TAF4B: variants seen among roughly 807,000 people sequenced by gnomAD.
TAF4B encodes TATA-box binding protein associated factor 4b, also known as transcription initiation factor TFIID subunit 4B.
A neutral mutation model predicts 86.4 loss-of-function variants in TAF4B; 38 were observed. The observed-to-expected ratio is 0.44, with a 90% confidence interval of 0.34 to 0.58. TAF4B has a LOEUF of 0.58. TAF4B is among the 20% of genes least tolerant of loss of function. The pLI is 0.02. For synonymous variants in TAF4B, 388 were observed against 391.2 expected (o/e 0.99, Z 0.10); for missense variants, 988 against 1,027.6 (o/e 0.96, Z 0.53).
At chr18:26,316,069 T>TG (rs1007236628) in intron 10 of TAF4B, among the ~76,000 whole-genome samples, 4 of 151,454 alleles carry the variant, frequency 2.6e-5, no homozygotes, top group African/African-American at 9.7e-5. Context: ...CCAGGTGTGG[T>TG]GGGGGTGCGC....
At chr18:26,228,799 T>C (rs2055618251) in intron 1 of TAF4B, among the ~76,000 whole-genome samples, 1 of 151,384 alleles carries the variant, frequency 6.6e-6, no homozygotes, top group South Asian at 2.1e-4. Flanking sequence ...AAGAAAGAAC[T>C]GTCAAGAGTG....
At chr18:26,244,353 G>C (rs1034513648) in intron 1 of TAF4B, among the ~76,000 whole-genome samples, 1 of 152,260 alleles carries the variant, frequency 6.6e-6, no homozygotes, top group Non-Finnish European at 1.5e-5. Context: ...GCGAGGTTCT[G>C]TGGGCGTGGG....
intron 1 of TAF4B, among the ~76,000 whole-genome samples, chr18:26,259,980 C>G (rs2056141282): frequency 6.6e-6 from 1 of 152,180 alleles, no homozygotes; most frequent in Admixed American, 6.6e-5. Flanking sequence ...GCCATTCTAA[C>G]TGGTGTGAGA....
intron 1 of TAF4B, among the ~76,000 whole-genome samples, chr18:26,245,251 C>A (rs1012387303): frequency 6.6e-6 from 1 of 152,088 alleles, no homozygotes; most frequent in Non-Finnish European, 1.5e-5. Flanking sequence ...CTGAACAAGC[C>A]CCCAAGATGT....
rs531493603 is a variant in TAF4B, at chr18:26,348,106, G to A, written c.2317-9584G>A. 5.9e-5 allele frequency among the ~76,000 whole-genome samples: 9 copies of A among 152,292 alleles called. No homozygotes were observed. The South Asian group carries it at 1.9e-3, about 32-fold the overall frequency. ...TTATGGAACATTTCACCCAACAGCT[G>A]CAGAATACATATTCTTTCCAGAAGT... is the stretch of plus-strand genomic sequence containing the variant. On this transcript the variant is annotated intron_variant, in intron 13 of 14. Transcript: ENST00000269142.
Position 26,296,772 on chromosome 18 carries a change from A to G in TAF4B, c.1832+3241A>G, listed in dbSNP as rs370546253. 7.2e-5 allele frequency among the ~76,000 whole-genome samples: 11 copies of G among 152,260 alleles called. No individual in the cohort carries two copies. In the East Asian group the frequency reaches 9.6e-4, roughly 13 times the overall value. On this transcript the variant is annotated intron_variant, in intron 9 of 14. Transcript: ENST00000269142. Reference sequence around the variant, plus strand: ...CTGCACAACCATTGATCTGCTTTCTATCATTGTAGATTGGGTTTGGATTTG... The same window carrying G: ...CTGCACAACCATTGATCTGCTTTCTGTCATTGTAGATTGGGTTTGGATTTG...
chr18:26,257,646 T>C (rs979564436), intron 1 of TAF4B, among the ~76,000 whole-genome samples: 4 of 152,212 alleles, frequency 2.6e-5, no homozygotes, highest in African/African-American at 9.6e-5. Context: ...TCTTTTGTAT[T>C]AAGCAAATAT....
intron 13 of TAF4B, 126 bp downstream of exon 13, chr18:26,335,357 G>T (rs2057082545): frequency 1.3e-6 from 1 of 776,746 alleles, no homozygotes; most frequent in Non-Finnish European, 2.2e-6. Flanking sequence ...GGGAAGGACA[G>T]GAACTGCTAA....
chr18:26,300,953 TCATAGACTAGGGAGTG>T (rs1177897088), intron 9 of TAF4B, among the ~76,000 whole-genome samples: 2 of 152,112 alleles, frequency 1.3e-5, no homozygotes, highest in African/African-American at 2.4e-5. Context: ...AAGCCACTAG[TCATAGACTAGGGAGTG>T]CATAGACTAG....
At position 26,276,578 on chromosome 18, in the gene TAF4B, T is replaced by C. The variant is rs771699108; in HGVS notation, c.882+1525T>C. Among the ~76,000 whole-genome samples, 7 of 152,362 alleles carry C rather than the reference T, an allele frequency of 4.6e-5. No homozygotes were observed. In the South Asian group the frequency reaches 1.4e-3, roughly 32 times the overall value. On this transcript the variant is annotated intron_variant, in intron 5 of 14. Coordinates refer to ENST00000269142, the MANE Select transcript of TAF4B (RefSeq NM_005640.3). ...TTAAAATACCTTCTTTACTACTGTT[T>C]TTAATGCTGCCTGTAAGATGTTAGA... is the stretch of plus-strand genomic sequence containing the variant.
At chr18:26,264,187 C>T (rs1423078299) in intron 1 of TAF4B, among the ~76,000 whole-genome samples, 1 of 152,024 alleles carries the variant, frequency 6.6e-6, no homozygotes, top group African/African-American at 2.4e-5. Flanking sequence ...ACCTGTAATC[C>T]CAGCACTTTG....
chr18:26,271,418 C>T (rs1015730877), intron 3 of TAF4B, among the ~76,000 whole-genome samples: 1 of 152,168 alleles, frequency 6.6e-6, no homozygotes, highest in African/African-American at 2.4e-5. Context: ...GAAAATGACC[C>T]TCCTTGAAAT....
intron 1 of TAF4B, among the ~76,000 whole-genome samples, chr18:26,259,156 G>A (rs987935091): frequency 2.0e-5 from 3 of 150,158 alleles, no homozygotes; most frequent in African/African-American, 7.4e-5. Context: ...GAAGCTTTCA[G>A]CTGTTATTTC....
intron 1 of TAF4B, among the ~76,000 whole-genome samples, chr18:26,242,951 C>A (rs2055863251): frequency 6.6e-6 from 1 of 152,216 alleles, no homozygotes; most frequent in Non-Finnish European, 1.5e-5. Flanking sequence ...GCCAAGATAT[C>A]TGCTGTTAGT....
At chr18:26,364,978 A>G (rs2057361364) in intron 14 of TAF4B, among the ~76,000 whole-genome samples, 1 of 151,294 alleles carries the variant, frequency 6.6e-6, no homozygotes, top group African/African-American at 2.4e-5. Context: ...GAAGCAGGTT[A>G]AAGTGCTACT....
intron 13 of TAF4B, among the ~76,000 whole-genome samples, chr18:26,353,110 A>T (rs1248801376): frequency 6.6e-6 from 1 of 152,174 alleles, no homozygotes; most frequent in Non-Finnish European, 1.5e-5. Context: ...ACCCACAAAG[A>T]TGTTACAAAA....
At chr18:26,236,531 A>G (rs1351323401) in intron 1 of TAF4B, among the ~76,000 whole-genome samples, 1 of 152,182 alleles carries the variant, frequency 6.6e-6, no homozygotes, top group Non-Finnish European at 1.5e-5. Context: ...TTTCTAGGGC[A>G]GGGTGCCTTC....
chr18:26,293,828 A>G (rs1039165574), intron 9 of TAF4B, among the ~76,000 whole-genome samples: 7 of 152,120 alleles, frequency 4.6e-5, no homozygotes, highest in Non-Finnish European at 7.4e-5. Flanking sequence ...TCTGGCAGCT[A>G]CTGTTCTTAC....
Position 26,292,389 on chromosome 18 carries a change from C to T in TAF4B, c.1726+8C>T. On this transcript the variant is annotated splice_region_variant and intron_variant, in intron 8 of 14. Transcript: ENST00000269142. ...CTAGTCAGTTTCCTCCAGGTAGATG[C>T]TGGTCCATCTCAGTCCCATCATGCT... is the stretch of plus-strand genomic sequence containing the variant. 1 of 1,609,132 alleles carries T rather than the reference C, an allele frequency of 6.2e-7. No homozygotes were observed. The highest frequency in any genetic ancestry group is 8.5e-7 in the Non-Finnish European group (1 of 1,178,210).
Sources: gnomAD v4.1 joint callset for allele counts (sites outside exome capture counted in the v4.1 genomes callset) on GRCh38, gnomAD v4.1.1 for gene constraint, MANE v1.5 for transcripts, NCBI Gene and HGNC (gene_info 2026-07-23, HGNC 2026-07-21) for gene names.